Variants in SOX5 observed in about 807,000 individuals in gnomAD.
The protein encoded by SOX5 is transcription factor SOX-5.
Under a neutral mutation model 92.0 loss-of-function variants are expected in SOX5, and 9 were observed. The observed-to-expected ratio is 0.10, with a 90% CI of 0.06 to 0.17. The LOEUF is 0.17. SOX5 is among the 10% of genes least tolerant of loss of function. The pLI is 1.00. For synonymous variants in SOX5, 344 were observed against 336.3 expected (o/e 1.02, Z -0.25); for missense variants, 642 against 944.5 (o/e 0.68, Z 4.20).
At chr12:23,749,920 A>G (rs568554082) in intron 4 of SOX5, among the ~76,000 whole-genome samples, 1 of 151,972 alleles carries the variant, frequency 6.6e-6, no homozygotes, top group South Asian at 2.1e-4. Flanking sequence ...TAGGTAGTCT[A>G]CAAGGGGCTG....
chr12:24,467,920 T>A (rs574572310), intron 1 of SOX5, among the ~76,000 whole-genome samples: 1 of 152,000 alleles, frequency 6.6e-6, no homozygotes, highest in Non-Finnish European at 1.5e-5. Flanking sequence ...TCTGGACCCC[T>A]AAGTAGAAAC....
At chr12:24,249,511 A>G (rs1334443269) in intron 3 of SOX5, among the ~76,000 whole-genome samples, 1 of 152,184 alleles carries the variant, frequency 6.6e-6, no homozygotes, top group East Asian at 1.9e-4. Flanking sequence ...ATCTAATCAG[A>G]CAGCAGCCTG....
intron 2 of SOX5, among the ~76,000 whole-genome samples, chr12:24,282,624 A>AT (rs1453334352): frequency 1.6e-4 from 24 of 151,998 alleles, no homozygotes; most frequent in Non-Finnish European, 3.5e-4. Context: ...GCCTTAAGAG[A>AT]TTTTTTAGTG....
intron 4 of SOX5, among the ~76,000 whole-genome samples, chr12:24,099,931 T>C (rs1945887616): frequency 6.6e-6 from 1 of 152,132 alleles, no homozygotes. Context: ...AAATGAGAAA[T>C]TTTGATGTGA....
chr12:23,732,327 T>C (rs2140871407), intron 6 of SOX5, among the ~76,000 whole-genome samples: 1 of 152,338 alleles, frequency 6.6e-6, no homozygotes, highest in Non-Finnish European at 1.5e-5. Flanking sequence ...CTTCCCATAA[T>C]TGTTTGAACA....
chr12:23,904,357 T>C (rs1025533197), intron 1 of SOX5, among the ~76,000 whole-genome samples: 1 of 152,146 alleles, frequency 6.6e-6, no homozygotes, highest in African/African-American at 2.4e-5. Flanking sequence ...TATACCGTTA[T>C]TTAGCGGCAT....
chr12:24,132,455 C>G (rs1228364110), intron 4 of SOX5, among the ~76,000 whole-genome samples: 2 of 152,098 alleles, frequency 1.3e-5, no homozygotes, highest in East Asian at 3.9e-4. Flanking sequence ...CTTCTCACAT[C>G]CTGTGCTATT....
intron 4 of SOX5, among the ~76,000 whole-genome samples, chr12:24,175,841 T>G (rs1954748884): frequency 6.6e-6 from 1 of 151,934 alleles, no homozygotes; most frequent in Non-Finnish European, 1.5e-5. Context: ...ATAAAAATGG[T>G]TTTCACTAGA....
chr12:24,268,137 T>A (rs1943253776), intron 3 of SOX5, among the ~76,000 whole-genome samples: 1 of 152,196 alleles, frequency 6.6e-6, no homozygotes, highest in Non-Finnish European at 1.5e-5. Context: ...ACTCCATAAT[T>A]CAAAAGTGTG....
intron 4 of SOX5, among the ~76,000 whole-genome samples, chr12:24,201,869 C>A (rs371552734): frequency 6.6e-6 from 1 of 152,270 alleles, no homozygotes; most frequent in African/African-American, 2.4e-5. Flanking sequence ...TAACACACAT[C>A]GATGGAACTT....
chr12:24,382,768 T>C (rs771272383), intron 1 of SOX5, among the ~76,000 whole-genome samples: 1 of 148,572 alleles, frequency 6.7e-6, no homozygotes, highest in Non-Finnish European at 1.5e-5. Context: ...GGTAGTTTTG[T>C]TGAGGCGTTA....
chr12:23,802,870 T>C (rs1048972694), intron 3 of SOX5, among the ~76,000 whole-genome samples: 1 of 152,206 alleles, frequency 6.6e-6, no homozygotes, highest in Non-Finnish European at 1.5e-5. Context: ...GTCTGGCTTC[T>C]GATCCGATTA....
intron 1 of SOX5, 35 bp downstream of exon 1, chr12:23,949,529 A>G: frequency 6.2e-7 from 1 of 1,611,586 alleles, no homozygotes. Context: ...GGAGAGTTGT[A>G]CTTCAATATA....
intron 8 of SOX5, among the ~76,000 whole-genome samples, chr12:23,633,429 A>G (rs2078809906): frequency 6.6e-6 from 1 of 152,136 alleles, no homozygotes; most frequent in Admixed American, 6.6e-5. Flanking sequence ...CAAAAATTCA[A>G]AGTGTAACTT....
intron 1 of SOX5, among the ~76,000 whole-genome samples, chr12:24,377,122 A>G (rs541502831): frequency 1.7e-4 from 26 of 152,308 alleles, no homozygotes; most frequent in African/African-American, 6.0e-4. Context: ...CAATATGCCA[A>G]CTACAGCCCA....
intron 3 of SOX5, among the ~76,000 whole-genome samples, chr12:24,226,419 C>G (rs924597571): frequency 1.3e-5 from 2 of 152,128 alleles, no homozygotes; most frequent in Non-Finnish European, 2.9e-5. Context: ...AAGAATCTTT[C>G]TTGGAAATGT....
intron 1 of SOX5, among the ~76,000 whole-genome samples, chr12:24,526,358 G>T (rs138438803): frequency 2.6e-5 from 4 of 152,202 alleles, no homozygotes; most frequent in African/African-American, 9.6e-5. Flanking sequence ...AACGTGGGTG[G>T]AGTCCTGTAT....
chr12:24,457,858 T>A (rs1296784662), intron 1 of SOX5, among the ~76,000 whole-genome samples: 1 of 152,092 alleles, frequency 6.6e-6, no homozygotes, highest in Non-Finnish European at 1.5e-5. Flanking sequence ...GGCTTAAAAA[T>A]TAGTGGGCAT....
At chr12:23,836,395 G>A (rs1408647962) in intron 3 of SOX5, among the ~76,000 whole-genome samples, 1 of 151,798 alleles carries the variant, frequency 6.6e-6, no homozygotes, top group Non-Finnish European at 1.5e-5. Context: ...GAAAACTTCT[G>A]ATAGAAAAAA....
Sources: gnomAD v4.1 joint callset for allele counts (sites outside exome capture counted in the v4.1 genomes callset) on GRCh38, gnomAD v4.1.1 for gene constraint, MANE v1.5 for transcripts, NCBI Gene and HGNC (gene_info 2026-07-23, HGNC 2026-07-21) for gene names.